PRKAG2: variants seen among roughly 807,000 people sequenced by gnomAD.
PRKAG2 encodes the protein 5'-AMP-activated protein kinase subunit gamma-2.
PRKAG2 carries 26 observed loss-of-function variants against 69.6 expected under a neutral mutation model. The observed-to-expected ratio is 0.37, with a 90% CI of 0.27 to 0.52. The LOEUF is 0.52. Among genes scored for constraint, PRKAG2 ranks in the 20% least tolerant of loss-of-function variants. The pLI, the probability that PRKAG2 is intolerant of heterozygous loss-of-function variation, is 0.90. For missense variants in PRKAG2, 557 were observed against 740.0 expected (o/e 0.75, Z 2.87); for synonymous variants, 293 against 285.0 (o/e 1.03, Z -0.28).
intron 1 of PRKAG2, among the ~76,000 whole-genome samples, chr7:151,858,636 C>T (rs1378629513): frequency 6.6e-6 from 1 of 152,208 alleles, no homozygotes; most frequent in East Asian, 1.9e-4. Flanking sequence ...TGGTCCTGGA[C>T]CATGGCCATG....
chr7:151,584,089 C>T (rs192548167), intron 6 of PRKAG2, among the ~76,000 whole-genome samples: 65 of 152,328 alleles, frequency 4.3e-4, no homozygotes, highest in African/African-American at 1.5e-3. Flanking sequence ...GACTCTTCTC[C>T]GTCCAGGCCC....
intron 3 of PRKAG2, among the ~76,000 whole-genome samples, chr7:151,688,163 C>T (rs369203715): frequency 6.6e-6 from 1 of 151,864 alleles, no homozygotes; most frequent in East Asian, 1.9e-4. Flanking sequence ...CAGCTGATGC[C>T]AGGGTGCCCA....
chr7:151,739,624 C>T (rs973715166), intron 3 of PRKAG2, among the ~76,000 whole-genome samples: 1 of 152,032 alleles, frequency 6.6e-6, no homozygotes, highest in Admixed American at 6.6e-5. Flanking sequence ...TGCACACCAC[C>T]ACACCCAGGC....
chr7:151,582,136 A>C (rs546117568), intron 6 of PRKAG2, among the ~76,000 whole-genome samples: 36 of 152,112 alleles, frequency 2.4e-4, no homozygotes, highest in Non-Finnish European at 4.9e-4. Flanking sequence ...TATCGGTCCA[A>C]CAGAGGGATC....
Position 151,573,345 on chromosome 7 carries a change from T to G in PRKAG2, c.1006-636A>C, listed in dbSNP as rs887626901. 9.8e-5 allele frequency among the ~76,000 whole-genome samples: 13 copies of G among 132,726 alleles called. No homozygotes were observed. In the East Asian group the frequency reaches 2.7e-3, roughly 28 times the overall value. 87.1% of individuals were successfully genotyped at this position (132,726 alleles called of 152,430 possible). ...CTAATTTTTGTGGGTTTTTTTTTTT[T>G]TTTTTTTTTTTTTTTTGTAGAGATG... On this transcript the variant is annotated intron_variant, in intron 8 of 15. Coordinates refer to ENST00000287878, the MANE Select transcript of PRKAG2 (RefSeq NM_016203.4).
intron 4 of PRKAG2, among the ~76,000 whole-genome samples, chr7:151,659,549 G>A (rs1487048132): frequency 6.6e-6 from 1 of 152,232 alleles, no homozygotes; most frequent in African/African-American, 2.4e-5. Context: ...TTCACACATG[G>A]TGACCGGGCA....
intron 4 of PRKAG2, among the ~76,000 whole-genome samples, chr7:151,673,435 C>T (rs1261223067): frequency 6.6e-6 from 1 of 152,136 alleles, no homozygotes; most frequent in Non-Finnish European, 1.5e-5. Context: ...TTTCTCCCTC[C>T]TGTAGGGCCG....
rs1408661129 is a variant in PRKAG2 at position 151,777,370 on chromosome 7, C to T, written c.466+3782G>A. ...AGGTTGAGTGTTTCTTCCCCGCTCT[C>T]AGGTTGAAATTGGATCCCCGGTGTT... On this transcript the variant is annotated intron_variant, in intron 3 of 15. Transcript: ENST00000287878. The surrounding 1 kb of genome is among the most constrained non-coding windows in gnomAD (Gnocchi z 4.3). Among the ~76,000 whole-genome samples, 1 of 152,198 alleles carries T rather than the reference C, an allele frequency of 6.6e-6. No individual in the cohort carries two copies. Among genetic ancestry groups the T allele is most frequent in the African/African-American group, 2.4e-5 (1 of 41,454 alleles).
intron 5 of PRKAG2, among the ~76,000 whole-genome samples, chr7:151,607,311 T>G (rs1817743988): frequency 6.6e-6 from 1 of 152,220 alleles, no homozygotes. Flanking sequence ...AGACAGGGTC[T>G]CACTCTGCCA....
chr7:151,748,255 T>A (rs530095075), intron 3 of PRKAG2, among the ~76,000 whole-genome samples: 1 of 152,188 alleles, frequency 6.6e-6, no homozygotes, highest in Non-Finnish European at 1.5e-5. Context: ...GGAACAGCTA[T>A]ACTTACAGTA....
rs573573278 is a variant in PRKAG2, at chr7:151,747,029, C to T, written c.466+34123G>A. On this transcript the variant is annotated intron_variant, in intron 3 of 15. Coordinates refer to ENST00000287878, the MANE Select transcript of PRKAG2 (RefSeq NM_016203.4). The stretch of plus-strand genomic sequence containing the variant: ...TTATTCGCAGCAAATTGTGATGGGG[C>T]GGGGGAGAGGGTAGGTACCATTCAA... Among the ~76,000 whole-genome samples, 33 of 152,162 alleles carry T rather than the reference C, an allele frequency of 2.2e-4. No individual in the cohort carries two copies. In the South Asian group the frequency reaches 5.4e-3, roughly 25 times the overall value.
rs946438841 is a variant in PRKAG2 at position 151,826,174 on chromosome 7, CTTT to C, written c.115-39636_115-39634del. Among the ~76,000 whole-genome samples, 6 of 149,754 alleles carry C rather than the reference CTTT, an allele frequency of 4.0e-5. No individual in the cohort carries two copies. In the South Asian group the frequency reaches 6.3e-4, roughly 16 times the overall value. On this transcript the variant is annotated intron_variant, in intron 1 of 15. Transcript: ENST00000287878. ...CCATCTCTCCTGACTTCCAGTTCCA[CTTT>C]TTTTTTTGTTGTTGTTTTTTTTTGA...
intron 1 of PRKAG2, among the ~76,000 whole-genome samples, chr7:151,812,514 A>G (rs2078473163): frequency 1.3e-5 from 2 of 152,266 alleles, no homozygotes; most frequent in African/African-American, 2.4e-5. Flanking sequence ...GTTATCCAAC[A>G]CTATGAAGTG....
chr7:151,781,561 C>T lies in PRKAG2; in HGVS notation c.187-130G>A. On this transcript the variant is annotated intron_variant, in intron 2 of 15. Transcript: ENST00000287878. This position sits in a 1 kb window ranked among gnomAD's most constrained non-coding sequence, Gnocchi z 6.1. ...CATAGTACCCTCCCAGAGAAACAGC[C>T]CTAAGCTCTTCCACAGAGGTAGCCA... 8.5e-7 allele frequency: 1 copy of T among 1,178,424 alleles called. No individual in the cohort carries two copies. The highest frequency in any genetic ancestry group is 1.2e-6 in the Non-Finnish European group (1 of 832,216). 73.0% of individuals were successfully genotyped at this position (1,178,424 alleles called of 1,614,324 possible).
At chr7:151,865,948 A>T (rs554177762) in intron 1 of PRKAG2, among the ~76,000 whole-genome samples, 1 of 148,084 alleles carries the variant, frequency 6.8e-6, no homozygotes, top group South Asian at 2.2e-4. Context: ...TGAACCTGGG[A>T]GGCGGAGCTT....
rs1045773505 is a variant in PRKAG2 at position 151,756,316 on chromosome 7, T to C, written c.466+24836A>G. ...CTTTTAACGTAGGAGCCACCAGAGC[T>C]TCCCCAGGAACCTCTCTGCCTCTGA... On this transcript the variant is annotated intron_variant, in intron 3 of 15. Transcript: ENST00000287878. This position sits in a 1 kb window ranked among gnomAD's most constrained non-coding sequence, Gnocchi z 4.9. Among the ~76,000 whole-genome samples the C allele has an allele frequency of 6.6e-6, 1 of 152,180 alleles. No homozygotes were observed. Among genetic ancestry groups the C allele is most frequent in the Admixed American group, 6.5e-5 (1 of 15,288 alleles).
At chr7:151,629,627 C>T (rs1274216911) in intron 5 of PRKAG2, among the ~76,000 whole-genome samples, 1 of 152,170 alleles carries the variant, frequency 6.6e-6, no homozygotes, top group African/African-American at 2.4e-5. Flanking sequence ...CTAACCTCAC[C>T]AGTGCTTCCA....
intron 1 of PRKAG2, among the ~76,000 whole-genome samples, chr7:151,865,585 G>A (rs2080044028): frequency 6.6e-6 from 1 of 152,256 alleles, no homozygotes; most frequent in African/African-American, 2.4e-5. Context: ...GGATGACTCA[G>A]TGAGAAGAAG....
chr7:151,627,653 G>A (rs189830762), intron 5 of PRKAG2, among the ~76,000 whole-genome samples: 1 of 152,184 alleles, frequency 6.6e-6, no homozygotes, highest in East Asian at 1.9e-4. Context: ...GCAAGATTGA[G>A]GCACGTTCTG....
Sources: allele counts gnomAD v4.1 joint callset (sites outside exome capture counted in the v4.1 genomes callset), GRCh38; gene constraint gnomAD v4.1.1; non-coding constraint Gnocchi (gnomAD v3.1); transcripts MANE v1.5; gene names NCBI Gene and HGNC (gene_info 2026-07-23, HGNC 2026-07-21).